Variants in LAMA2 observed in about 807,000 individuals in gnomAD.
LAMA2 encodes laminin subunit alpha 2.
A neutral mutation model predicts 364.8 loss-of-function variants in LAMA2; 269 were observed. The observed-to-expected ratio is 0.74, with a 90% confidence interval of 0.67 to 0.82. The LOEUF is 0.82. Among genes scored for constraint, LAMA2 ranks in the 40% least tolerant of loss-of-function variants. LAMA2 has a pLI of 0.00. For missense variants in LAMA2, 3,807 were observed against 3,873.2 expected, an observed-to-expected ratio of 0.98 and a Z score of 0.45; for synonymous variants, 1,379 against 1,370.6, an observed-to-expected ratio of 1.01 and a Z score of -0.14.
intron 12 of LAMA2, among the ~76,000 whole-genome samples, chr6:129,212,856 G>A (rs1289329600): frequency 6.6e-6 from 1 of 152,112 alleles, no homozygotes; most frequent in Non-Finnish European, 1.5e-5. Flanking sequence ...TTAGTTTGCT[G>A]GATTCCAAAA....
At chr6:129,340,477 G>T (rs1054598076) in intron 29 of LAMA2, among the ~76,000 whole-genome samples, 8 of 152,168 alleles carry the variant, frequency 5.3e-5, no homozygotes, top group Admixed American at 3.3e-4. Context: ...AAAATAATGT[G>T]GCAATATACT....
intron 3 of LAMA2, among the ~76,000 whole-genome samples, chr6:129,080,227 C>T (rs1055144984): frequency 6.6e-5 from 10 of 152,010 alleles, no homozygotes; most frequent in Non-Finnish European, 1.5e-4. Flanking sequence ...AAACAACTTC[C>T]TCAAAATGAC....
chr6:129,404,849 T>C (rs557369423), intron 40 of LAMA2, among the ~76,000 whole-genome samples: 3 of 152,122 alleles, frequency 2.0e-5, no homozygotes, highest in South Asian at 2.1e-4. Context: ...AAAAATACTT[T>C]CTAGGATTTA....
chr6:128,996,057 G>C (rs146819916), intron 1 of LAMA2, among the ~76,000 whole-genome samples: 23 of 152,256 alleles, frequency 1.5e-4, no homozygotes, highest in African/African-American at 5.5e-4. Context: ...TCTAATGCAG[G>C]AGGCAGACAG....
At chr6:129,066,047 T>TTTTTTTTTTTTC (rs1789296993) in intron 3 of LAMA2, among the ~76,000 whole-genome samples, 6 of 81,944 alleles carry the variant, frequency 7.3e-5, no homozygotes, top group Non-Finnish European at 9.9e-5. Context: ...GGTTTTTTTT[T>TTTTTTTTTTTTC]TTTTTTTTTT....
chr6:129,207,182 C>G (rs1404601264), intron 12 of LAMA2, among the ~76,000 whole-genome samples: 1 of 152,188 alleles, frequency 6.6e-6, no homozygotes, highest in South Asian at 2.1e-4. Flanking sequence ...ACGGGCCCTT[C>G]TTTTGCATTG....
At chr6:129,394,755 A>G (rs978364346) in intron 37 of LAMA2, among the ~76,000 whole-genome samples, 1 of 152,234 alleles carries the variant, frequency 6.6e-6, no homozygotes, top group Non-Finnish European at 1.5e-5. Context: ...GAAATATTTC[A>G]AGAAGAGTTA....
At position 129,098,366 on chromosome 6, in the gene LAMA2, T is replaced by G; in HGVS notation, c.590T>G (p.Val197Gly). Residue 197 changes from valine (V) to glycine (G), a missense_variant, in exon 4 of 65, where the codon GTC becomes GGC. By Grantham distance (109) the Val-to-Gly change is moderately radical. This residue lies in a region of LAMA2 where 394 missense variants were observed against 403.5 expected (regional missense o/e 0.98). Transcript: ENST00000421865. ...CCGTCATATGCCAAAGATGATGAGG[T>G]CATCTGCACTTCATTTTACTCCAAG... ...GPPSYAKDDEVICTSFYSKIH... is the reference protein window; with the variant it reads ...GPPSYAKDDEGICTSFYSKIH... 1 of 1,613,972 alleles carries G rather than the reference T, an allele frequency of 6.2e-7. No individual in the cohort carries two copies. Among genetic ancestry groups the G allele is most frequent in the Non-Finnish European group, 8.5e-7 (1 of 1,179,958 alleles).
intron 8 of LAMA2, chr6:129,158,931 A>C: frequency 6.3e-7 from 1 of 1,599,220 alleles, no homozygotes; most frequent in Non-Finnish European, 8.6e-7. Context: ...CAGTGCCCTC[A>C]GCAATAGCAC....
chr6:129,489,988 C>T (rs985457575), intron 56 of LAMA2, among the ~76,000 whole-genome samples: 1 of 151,604 alleles, frequency 6.6e-6, no homozygotes, highest in Non-Finnish European at 1.5e-5. Flanking sequence ...GTTTAATGTA[C>T]CTTTTTGCAC....
intron 9 of LAMA2, among the ~76,000 whole-genome samples, chr6:129,172,584 C>G (rs1373045028): frequency 6.6e-6 from 1 of 152,318 alleles, no homozygotes; most frequent in East Asian, 1.9e-4. Context: ...TCAAAGCTGT[C>G]AGAGGGACAT....
intron 1 of LAMA2, among the ~76,000 whole-genome samples, chr6:128,907,775 C>A (rs1261762218): frequency 6.6e-6 from 1 of 152,156 alleles, no homozygotes; most frequent in Non-Finnish European, 1.5e-5. Flanking sequence ...GTGGGTTTGT[C>A]ATAGATAGCT....
chr6:128,992,687 G>A, intron 1 of LAMA2, among the ~76,000 whole-genome samples: 1 of 152,144 alleles, frequency 6.6e-6, no homozygotes, highest in East Asian at 1.9e-4. Context: ...TACCTTAATT[G>A]TGTAGTGGGG....
chr6:129,282,326 T>TGGG (rs1444642621), intron 18 of LAMA2, among the ~76,000 whole-genome samples: 1 of 152,194 alleles, frequency 6.6e-6, no homozygotes, highest in Non-Finnish European at 1.5e-5. Context: ...TATCTCAGAC[T>TGGG]ACAGCTCAGG....
intron 12 of LAMA2, among the ~76,000 whole-genome samples, chr6:129,215,746 A>G (rs2115082027): frequency 6.6e-6 from 1 of 152,260 alleles, no homozygotes; most frequent in South Asian, 2.1e-4. Flanking sequence ...TAGAGTTATC[A>G]TGATTCTTTA....
intron 1 of LAMA2, among the ~76,000 whole-genome samples, chr6:128,903,998 A>G (rs1777254385): frequency 6.6e-6 from 1 of 152,216 alleles, no homozygotes. Flanking sequence ...GCCAGACCTA[A>G]AGAGGCAACT....
intron 12 of LAMA2, among the ~76,000 whole-genome samples, chr6:129,245,945 C>A (rs563246555): frequency 6.6e-6 from 1 of 152,198 alleles, no homozygotes; most frequent in African/African-American, 2.4e-5. Flanking sequence ...ATGTTCATAG[C>A]GTATTCATAA....
At chr6:129,249,711 C>T (rs924548825) in intron 12 of LAMA2, among the ~76,000 whole-genome samples, 32 of 152,286 alleles carry the variant, frequency 2.1e-4, no homozygotes, top group Middle Eastern at 3.4e-3. Context: ...TCCAGACTCA[C>T]AGAAAGTGAG....
intron 48 of LAMA2, 59 bp from the exon 49 acceptor site, chr6:129,460,140 TA>T: frequency 6.5e-7 from 1 of 1,549,286 alleles, no homozygotes; most frequent in Non-Finnish European, 8.9e-7. Flanking sequence ...CTCTCATGGA[TA>T]AACCAAGATT....
Sources: allele counts gnomAD v4.1 joint callset (sites outside exome capture counted in the v4.1 genomes callset), GRCh38; gene constraint gnomAD v4.1.1; regional missense constraint gnomAD v4.1.1; transcripts MANE v1.5; gene names NCBI Gene and HGNC (gene_info 2026-07-23, HGNC 2026-07-21).